ABL1: variants seen among roughly 807,000 people sequenced by gnomAD.
ABL1 encodes tyrosine-protein kinase ABL1.
A neutral mutation model predicts 94.7 loss-of-function variants in ABL1; 11 were observed. The observed-to-expected ratio is 0.12, with a 90% confidence interval of 0.07 to 0.19. ABL1 has a LOEUF of 0.19. Ranked by LOEUF, ABL1 falls within the 10% of genes least tolerant of loss-of-function variation. The pLI is 1.00. For synonymous variants in ABL1, 656 were observed against 622.4 expected, an observed-to-expected ratio of 1.05 and a Z score of -0.80; for missense variants, 1,082 against 1,489.4, an observed-to-expected ratio of 0.73 and a Z score of 4.50.
chr9:130,847,909 G>A (rs934566838), intron 1 of ABL1, among the ~76,000 whole-genome samples: 4 of 152,284 alleles, frequency 2.6e-5, no homozygotes, highest in Admixed American at 6.5e-5. Context: ...ACCTCTGGGC[G>A]GGGATCTGCA....
In ABL1 at chr9:130,886,539, A is replaced by AC. The variant is rs1831587324; in HGVS notation, c.*857dup. On this transcript the variant is annotated 3_prime_UTR_variant, in exon 11 of 11. Coordinates refer to ENST00000318560, the MANE Select transcript of ABL1 (RefSeq NM_005157.6). The stretch of plus-strand genomic sequence containing the variant: ...TCCCCCAGCAGAATGGAGGCAGGGG[A>AC]CAAGGGAGGCAGTGGCTAGTGGGGT... The AC allele has an allele frequency of 4.3e-6, 1 of 232,466 alleles. No homozygotes were observed. Among genetic ancestry groups the AC allele is most frequent in the Non-Finnish European group, 8.5e-6 (1 of 117,946 alleles). The allele number at this position is 232,466 out of a possible 1,614,324, so 14.4% of individuals were successfully genotyped here. A position where few individuals can be genotyped will look rare whatever the true frequency, so the allele number is the denominator to read the frequency against.
chr9:130,878,523 G>A lies in ABL1; in HGVS notation c.1379G>A (p.Arg460His), dbSNP rs149852028. ...ELLEKDYRME[R>H]PEGCPEKVYE... ...CTAGAGAAGGACTACCGCATGGAGC[G>A]CCCAGAAGGCTGCCCAGAGAAGGTC... Residue 460 changes from arginine to histidine, a missense_variant, in exon 8 of 11, where the codon CGC becomes CAC. Around this residue, in one of 7 missense-constraint regions of ABL1, gnomAD observed 76 missense variants for 177.1 expected, o/e 0.43. Coordinates refer to ENST00000318560, the MANE Select transcript of ABL1 (RefSeq NM_005157.6). The A allele has an allele frequency of 1.6e-5, 26 of 1,614,044 alleles. No individual in the cohort carries two copies. The highest frequency in any genetic ancestry group is 8.3e-5 in the Admixed American group (5 of 60,002).
At chr9:130,857,372 A>G (rs187743249) in intron 3 of ABL1, among the ~76,000 whole-genome samples, 71 of 152,296 alleles carry the variant, frequency 4.7e-4, no homozygotes, top group Middle Eastern at 3.4e-3. Context: ...CACCTTTGTC[A>G]CTCTGACTGG....
intron 1 of ABL1, among the ~76,000 whole-genome samples, chr9:130,717,344 A>C (rs1232532291): frequency 6.6e-6 from 1 of 152,098 alleles, no homozygotes; most frequent in Non-Finnish European, 1.5e-5. Context: ...TGCCCAGCCA[A>C]ACCATTATTT....
chr9:130,740,723 A>T (rs531339618), intron 1 of ABL1, among the ~76,000 whole-genome samples: 84 of 151,918 alleles, frequency 5.5e-4, no homozygotes, highest in Non-Finnish European at 1.1e-3. Flanking sequence ...TGGCACGATC[A>T]TCGCTCACTT....
At chr9:130,743,456 C>T (rs950668449) in intron 1 of ABL1, among the ~76,000 whole-genome samples, 2 of 152,180 alleles carry the variant, frequency 1.3e-5, no homozygotes, top group African/African-American at 4.8e-5. Flanking sequence ...ATTCCTGGCT[C>T]TTTTGCAAAT....
intron 3 of ABL1, among the ~76,000 whole-genome samples, chr9:130,860,849 C>T (rs1831059390): frequency 6.6e-6 from 1 of 152,144 alleles, no homozygotes. Context: ...TCCAGAGGGT[C>T]GGGGATTGGG....
intron 1 of ABL1, among the ~76,000 whole-genome samples, chr9:130,766,221 G>A (rs1025404838): frequency 1.3e-5 from 2 of 152,220 alleles, no homozygotes; most frequent in African/African-American, 2.4e-5. Flanking sequence ...CAGTGCCCCC[G>A]CCAGCCTGCT....
intron 1 of ABL1, among the ~76,000 whole-genome samples, chr9:130,754,200 C>CT (rs1327692193): frequency 7.6e-6 from 1 of 131,492 alleles, no homozygotes; most frequent in Non-Finnish European, 1.6e-5. Flanking sequence ...GAGTGGGACT[C>CT]TGTCTCAGAA....
chr9:130,817,333 A>G (rs1306723978), intron 1 of ABL1, among the ~76,000 whole-genome samples: 1 of 152,238 alleles, frequency 6.6e-6, no homozygotes, highest in Non-Finnish European at 1.5e-5. Context: ...AATTTAGCCT[A>G]AATATTTGCC....
intron 1 of ABL1, among the ~76,000 whole-genome samples, chr9:130,755,963 T>C (rs1832036503): frequency 6.6e-6 from 1 of 152,142 alleles, no homozygotes. Context: ...AGATGAATTT[T>C]TGTCAAAACA....
intron 7 of ABL1, among the ~76,000 whole-genome samples, chr9:130,876,404 A>ACTTTTT (rs1416733689): frequency 9.6e-5 from 12 of 124,418 alleles, no homozygotes; most frequent in Admixed American, 9.0e-4. Flanking sequence ...ATAACAAATT[A>ACTTTTT]CTTTTTCTTT....
chr9:130,869,391 A>G (rs1271827097), intron 4 of ABL1, among the ~76,000 whole-genome samples: 1 of 152,230 alleles, frequency 6.6e-6, no homozygotes, highest in Non-Finnish European at 1.5e-5. Context: ...TCTGTGCACA[A>G]GGGAGATACT....
At chr9:130,730,046 C>CTTTTTTT (rs138446676) in intron 1 of ABL1, among the ~76,000 whole-genome samples, 7 of 107,180 alleles carry the variant, frequency 6.5e-5, no homozygotes, top group African/African-American at 2.4e-4. Flanking sequence ...CCCAGCCAGA[C>CTTTTTTT]TTTTTTTTTT....
At chr9:130,806,148 G>C (rs1192252655) in intron 1 of ABL1, among the ~76,000 whole-genome samples, 1 of 152,224 alleles carries the variant, frequency 6.6e-6, no homozygotes, top group African/African-American at 2.4e-5. Context: ...TCAAAGACCA[G>C]ATGCCACCAG....
In ABL1 at chr9:130,885,579, CTTCAGA is replaced by C; in HGVS notation, c.3291_3296del (p.Gln1098_Ile1099del). 6.2e-7 allele frequency: 1 copy of C among 1,613,930 alleles called. No homozygotes were observed. The highest frequency in any genetic ancestry group is 8.5e-7 in the Non-Finnish European group (1 of 1,180,034). The stretch of plus-strand genomic sequence containing the variant: ...CAAACTGGAGAATAATCTCCGGGAG[CTTCAGA>C]TCTGCCCGGCGACAGCAGGCAGTGG... On this transcript the variant is annotated inframe_deletion, in exon 11 of 11. Coordinates refer to ENST00000318560, the MANE Select transcript of ABL1 (RefSeq NM_005157.6).
At chr9:130,780,488 G>T (rs540433372) in intron 1 of ABL1, among the ~76,000 whole-genome samples, 1 of 152,328 alleles carries the variant, frequency 6.6e-6, no homozygotes, top group South Asian at 2.1e-4. Context: ...GATCTGACCA[G>T]TCTCCAGATG....
Position 130,742,109 on chromosome 9 carries a change from A to G in ABL1, c.136+27654A>G, listed in dbSNP as rs376848821. On this transcript the variant is annotated intron_variant, in intron 1 of 10. Coordinates refer to the ABL1 transcript ENST00000372348. ...TGGTGCGAGGCTCAGTCGTCAGCCC[A>G]CCGAGTCATGTATGTTCTCTGGTTG... Among the ~76,000 whole-genome samples the G allele has an allele frequency of 1.4e-4, 21 of 152,214 alleles. No homozygotes were observed. The East Asian group carries it at 3.3e-3, about 24-fold the overall frequency.
intron 1 of ABL1, among the ~76,000 whole-genome samples, chr9:130,776,589 AAGC>A (rs1302507313): frequency 1.3e-4 from 19 of 144,156 alleles, no homozygotes; most frequent in Admixed American, 6.9e-4. Context: ...AAAAAAAAAA[AAGC>A]AGCAGCTGTG....
Sources: gnomAD v4.1 joint callset for allele counts (sites outside exome capture counted in the v4.1 genomes callset) on GRCh38, gnomAD v4.1.1 for gene constraint, gnomAD v4.1.1 regional missense constraint, MANE v1.5 for transcripts, NCBI Gene and HGNC (gene_info 2026-07-23, HGNC 2026-07-21) for gene names.